The following IL1RAPL1 variants were observed in gnomAD, a reference collection of about 807,000 sequenced individuals.
IL1RAPL1 encodes interleukin 1 receptor accessory protein like 1.
IL1RAPL1 carries 3 observed loss-of-function variants against 48.4 expected under a neutral mutation model. The observed-to-expected ratio is 0.06, with a 90% CI of 0.03 to 0.16. IL1RAPL1 has a LOEUF of 0.16. Among genes scored for constraint, IL1RAPL1 ranks in the 10% least tolerant of loss-of-function variants. The probability of loss-of-function intolerance (pLI) is 1.00; values close to 1 mark genes in which losing one functional copy is unlikely to be tolerated. For synonymous variants in IL1RAPL1, 185 were observed against 187.7 expected, an observed-to-expected ratio of 0.99 and a Z score of 0.12; for missense variants, 349 against 530.6, an observed-to-expected ratio of 0.66 and a Z score of 3.36.
chrX:28,864,016 G>T (rs368952511), intron 2 of IL1RAPL1, among the ~76,000 whole-genome samples: 2 of 111,743 alleles, frequency 1.8e-5, no homozygotes, highest in Non-Finnish European at 3.8e-5. Flanking sequence ...TCTTGTTTCT[G>T]TCAAAGACAT....
intron 6 of IL1RAPL1, among the ~76,000 whole-genome samples, chrX:29,802,178 A>T (rs904982576): frequency 8.0e-5 from 9 of 112,043 alleles, no homozygotes; most frequent in African/African-American, 2.9e-4. Context: ...GGGGAAAAAA[A>T]TCGGCATGGA....
At chrX:29,815,672 T>C (rs979063872) in intron 6 of IL1RAPL1, among the ~76,000 whole-genome samples, 2 of 111,018 alleles carry the variant, frequency 1.8e-5, no homozygotes, top group Non-Finnish European at 3.8e-5. Flanking sequence ...TTAGGATATA[T>C]GCTTCCAGCT....
In IL1RAPL1 at chrX:29,706,917, T is replaced by TA. The variant is rs201272344; in HGVS notation, c.778+38421dup. On this transcript the variant is annotated intron_variant, in intron 6 of 10. Coordinates refer to ENST00000378993, the MANE Select transcript of IL1RAPL1 (RefSeq NM_014271.4). ...ATGACCATGAACCCAAAAGCAAATG[T>TA]AAAAAAAACAAAGATAAACAGATGG... Among the ~76,000 whole-genome samples the TA allele has an allele frequency of 4.4e-3, 485 of 110,334 alleles. 4 individuals carry two copies. The highest frequency in any genetic ancestry group is 0.015 in the African/African-American group (456 of 30,344).
chrX:29,177,485 G>A (rs888157892), intron 2 of IL1RAPL1, among the ~76,000 whole-genome samples: 21 of 111,865 alleles, frequency 1.9e-4, no homozygotes, highest in African/African-American at 6.8e-4. Flanking sequence ...AATTTCATTT[G>A]AAATATACTT....
chrX:28,858,097 A>G (rs1003956908), intron 2 of IL1RAPL1, among the ~76,000 whole-genome samples: 1 of 112,166 alleles, frequency 8.9e-6, no homozygotes, highest in Admixed American at 9.5e-5. Flanking sequence ...AAAATAGCCA[A>G]AGATCTACAG....
At chrX:28,651,009 G>A (rs1182080308) in intron 1 of IL1RAPL1, among the ~76,000 whole-genome samples, 4 of 111,625 alleles carry the variant, frequency 3.6e-5, no homozygotes, top group Non-Finnish European at 7.5e-5. Context: ...TTCCATACTT[G>A]GCCTCATGTG....
At chrX:29,105,104 G>A (rs897732874) in intron 2 of IL1RAPL1, among the ~76,000 whole-genome samples, 1 of 111,521 alleles carries the variant, frequency 9.0e-6, no homozygotes, top group Non-Finnish European at 1.9e-5. Flanking sequence ...CTGCGGGAAA[G>A]TCTAGGATGG....
intron 2 of IL1RAPL1, among the ~76,000 whole-genome samples, chrX:29,245,399 A>G (rs1931492866): frequency 9.0e-6 from 1 of 111,704 alleles, no homozygotes; most frequent in African/African-American, 3.3e-5. Context: ...CCAACAGTGT[A>G]AAAGCATTCC....
chrX:29,588,098 T>C (rs1012700359), intron 5 of IL1RAPL1, among the ~76,000 whole-genome samples: 3 of 112,733 alleles, frequency 2.7e-5, no homozygotes, highest in Non-Finnish European at 3.7e-5. Context: ...TATTTTTAAA[T>C]TGTTCTTGAG....
At chrX:29,702,775 A>ATTTTTC (rs1446690826) in intron 6 of IL1RAPL1, among the ~76,000 whole-genome samples, 1 of 112,540 alleles carries the variant, frequency 8.9e-6, no homozygotes, top group Non-Finnish European at 1.9e-5. Flanking sequence ...TTAAAAGGAA[A>ATTTTTC]GAAGCCCAAA....
intron 6 of IL1RAPL1, among the ~76,000 whole-genome samples, chrX:29,913,393 T>TACACACACACAC (rs775944840): frequency 1.5e-4 from 16 of 105,944 alleles, no homozygotes; most frequent in African/African-American, 4.5e-4. Flanking sequence ...GACACAGTGA[T>TACACACACACAC]ACACACACAC....
intron 5 of IL1RAPL1, among the ~76,000 whole-genome samples, chrX:29,588,943 C>T (rs1409646880): frequency 4.5e-5 from 5 of 111,874 alleles, no homozygotes; most frequent in African/African-American, 9.7e-5. Context: ...CCAGATCCTA[C>T]GAGACAGGTA....
At position 29,409,983 on chromosome X, in the gene IL1RAPL1, C is replaced by T. The variant is rs757085792; in HGVS notation, c.703+10675C>T. Among the ~76,000 whole-genome samples the T allele has an allele frequency of 3.5e-3, 390 of 109,925 alleles. 2 individuals are homozygous for T. Among genetic ancestry groups the T allele is most frequent in the South Asian group, 8.7e-3 (22 of 2,520 alleles). ...GATTATAGGCATGTGCCACCACGCC[C>T]GGCTAATTTTTTATTTTTAGTAGAG... On this transcript the variant is annotated intron_variant, in intron 5 of 10. Transcript: ENST00000378993.
At chrX:28,964,274 C>G (rs762460898) in intron 2 of IL1RAPL1, among the ~76,000 whole-genome samples, 52 of 111,574 alleles carry the variant, frequency 4.7e-4, no homozygotes, top group African/African-American at 1.6e-3. Flanking sequence ...CATAAAGTAT[C>G]TACGCATATA....
At chrX:28,980,966 C>A (rs1270602994) in intron 2 of IL1RAPL1, among the ~76,000 whole-genome samples, 7 of 105,197 alleles carry the variant, frequency 6.7e-5, no homozygotes, top group African/African-American at 2.4e-4. Context: ...TGGTGCATGC[C>A]TGTAGTCCCA....
Position 28,918,729 on chromosome X carries a change from A to T in IL1RAPL1, c.82+129304A>T, listed in dbSNP as rs192214026. ...ATAGGTGTTTGGTGTATGAAAACTA[A>T]GGATGAAGCATTCCTGGTAAATAGA... On this transcript the variant is annotated intron_variant, in intron 2 of 10. Transcript: ENST00000378993. 2.7e-5 allele frequency among the ~76,000 whole-genome samples: 3 copies of T among 111,905 alleles called. No homozygotes were observed. In the East Asian group the frequency reaches 8.5e-4, roughly 32 times the overall value.
intron 3 of IL1RAPL1, among the ~76,000 whole-genome samples, chrX:29,304,746 A>T (rs1253065707): frequency 8.9e-6 from 1 of 112,649 alleles, no homozygotes; most frequent in Non-Finnish European, 1.9e-5. Flanking sequence ...TTAAAAATTA[A>T]ATTGGTTCTC....
chrX:29,764,603 A>G (rs1434132254), intron 6 of IL1RAPL1, among the ~76,000 whole-genome samples: 2 of 112,285 alleles, frequency 1.8e-5, no homozygotes, highest in Non-Finnish European at 3.8e-5. Flanking sequence ...GCTGGAGGAC[A>G]TAAAAAAGGA....
chrX:29,722,835 G>T (rs913334119), intron 6 of IL1RAPL1, among the ~76,000 whole-genome samples: 3 of 111,885 alleles, frequency 2.7e-5, no homozygotes, highest in Admixed American at 9.5e-5. Flanking sequence ...AGGAACAGCT[G>T]GCAGTTTTAC....
Sources: gnomAD v4.1 joint callset for allele counts (sites outside exome capture counted in the v4.1 genomes callset) on GRCh38, gnomAD v4.1.1 for gene constraint, MANE v1.5 for transcripts, NCBI Gene and HGNC (gene_info 2026-07-23, HGNC 2026-07-21) for gene names.